Variants in JAKMIP1 observed in about 807,000 individuals in gnomAD.
JAKMIP1 encodes the protein janus kinase and microtubule-interacting protein 1.
JAKMIP1 carries 33 observed loss-of-function variants against 113.0 expected under a neutral mutation model. The ratio of observed to expected loss-of-function variants is 0.29; its 90% CI spans 0.22 to 0.39. The LOEUF (loss-of-function observed/expected upper bound fraction) is 0.39, where lower values mean the gene tolerates loss of function less well. Ranked by LOEUF, JAKMIP1 falls within the 10% of genes least tolerant of loss-of-function variation. JAKMIP1 has a pLI of 1.00. For missense variants in JAKMIP1, 813 were observed against 1,080.5 expected, an observed-to-expected ratio of 0.75 and a Z score of 3.47; for synonymous variants, 480 against 459.9, an observed-to-expected ratio of 1.04 and a Z score of -0.56.
intron 1 of JAKMIP1, among the ~76,000 whole-genome samples, chr4:6,161,841 T>C (rs1342418866): frequency 1.3e-5 from 2 of 152,068 alleles, no homozygotes; most frequent in East Asian, 1.9e-4. Context: ...GTCCCAGAGA[T>C]AAATGGTGCA....
chr4:6,127,519 T>C (rs985296106), intron 1 of JAKMIP1, among the ~76,000 whole-genome samples: 4 of 152,090 alleles, frequency 2.6e-5, no homozygotes, highest in African/African-American at 9.7e-5. Flanking sequence ...CCCTGGCAAA[T>C]GGCTTGGTGG....
rs188434689 is a variant in JAKMIP1 at position 6,155,375 on chromosome 4, C to A, written c.-147-42378G>T. Among the ~76,000 whole-genome samples the A allele has an allele frequency of 7.2e-5, 11 of 152,102 alleles. No individual in the cohort carries two copies. Among genetic ancestry groups the A allele is most frequent in the Non-Finnish European group, 1.2e-4 (8 of 68,026 alleles). ...CTGCTCCAAGCACTTTATATTTAAC[C>A]CTCAAGAGAACCCTAAAACATAGGT... On this transcript the variant is annotated intron_variant, in intron 1 of 20. Coordinates refer to ENST00000409021, the MANE Select transcript of JAKMIP1 (RefSeq NM_001099433.2). The surrounding 1 kb of genome is among the most constrained non-coding windows in gnomAD (Gnocchi z 6.1).
intron 1 of JAKMIP1, among the ~76,000 whole-genome samples, chr4:6,198,068 G>A (rs1028466275): frequency 1.1e-4 from 17 of 152,226 alleles, no homozygotes; most frequent in African/African-American, 4.1e-4. Flanking sequence ...CCACCAAAGT[G>A]GGACCATCTC....
Position 6,038,523 on chromosome 4 carries a change from G to T in JAKMIP1, c.2175+2116C>A, listed in dbSNP as rs149586468. ...TCCATCACTGAGGCAGAGGCTAACC[G>T]GTATCCCTCCATCACCGAGGAAGAG... is the stretch of plus-strand genomic sequence containing the variant. On this transcript the variant is annotated intron_variant, in intron 18 of 20. Transcript: ENST00000409021. Among the ~76,000 whole-genome samples, 516 of 150,812 alleles carry T rather than the reference G, an allele frequency of 3.4e-3. 3 individuals are homozygous for T. Among genetic ancestry groups the T allele is most frequent in the Non-Finnish European group, 5.7e-3 (383 of 67,566 alleles).
chr4:6,159,431 G>A (rs1459268365), intron 1 of JAKMIP1, among the ~76,000 whole-genome samples: 1 of 152,120 alleles, frequency 6.6e-6, no homozygotes, highest in African/African-American at 2.4e-5. Flanking sequence ...AAAAAAATCT[G>A]TGACACATAA....
At chr4:6,144,351 A>T (rs1168020089) in intron 1 of JAKMIP1, among the ~76,000 whole-genome samples, 4 of 152,258 alleles carry the variant, frequency 2.6e-5, no homozygotes, top group Non-Finnish European at 5.9e-5. Context: ...TTCAAAAAGT[A>T]AAAGTGCAAA....
chr4:6,172,670 G>C (rs892027790), intron 1 of JAKMIP1, among the ~76,000 whole-genome samples: 20 of 152,230 alleles, frequency 1.3e-4, no homozygotes, highest in Non-Finnish European at 2.2e-4. Flanking sequence ...TCTGTCCCCA[G>C]GTGCTCAGGG....
intron 19 of JAKMIP1, among the ~76,000 whole-genome samples, chr4:6,030,932 G>C (rs1458291469): frequency 6.6e-6 from 1 of 152,154 alleles, no homozygotes; most frequent in Non-Finnish European, 1.5e-5. Context: ...CAGGTGATGA[G>C]GACGCAGACG....
intron 1 of JAKMIP1, among the ~76,000 whole-genome samples, chr4:6,113,694 C>T (rs1471406666): frequency 1.3e-5 from 2 of 152,214 alleles, no homozygotes; most frequent in Non-Finnish European, 2.9e-5. Context: ...AGCCTAATCA[C>T]CGCCCCAAGC....
At chr4:6,175,242 A>C (rs1188024693) in intron 1 of JAKMIP1, among the ~76,000 whole-genome samples, 1 of 152,084 alleles carries the variant, frequency 6.6e-6, no homozygotes, top group African/African-American at 2.4e-5. Flanking sequence ...AACCTCCCCA[A>C]AGTCACAGAA....
At chr4:6,063,601 C>A (rs1717630007) in intron 9 of JAKMIP1, among the ~76,000 whole-genome samples, 1 of 152,138 alleles carries the variant, frequency 6.6e-6, no homozygotes, top group East Asian at 1.9e-4. Flanking sequence ...GGACGACCTG[C>A]AGAGGTGACA....
At chr4:6,124,026 C>G (rs1717068653) in intron 1 of JAKMIP1, among the ~76,000 whole-genome samples, 1 of 152,196 alleles carries the variant, frequency 6.6e-6, no homozygotes, top group African/African-American at 2.4e-5. Flanking sequence ...AACACGTACT[C>G]TGGGCTTGGA....
In JAKMIP1 at chr4:6,059,384, T is replaced by G. The variant is rs1047454610; in HGVS notation, c.1644+1040A>C. ...CTTTGCAGTGCTCTTCTGGAGCTGC[T>G]TCTGTTAAGCCGCCTGGAACCTCTT... On this transcript the variant is annotated intron_variant, in intron 11 of 20. Coordinates refer to ENST00000409021, the MANE Select transcript of JAKMIP1 (RefSeq NM_001099433.2). The surrounding 1 kb of genome is among the most constrained non-coding windows in gnomAD (Gnocchi z 4.8). Among the ~76,000 whole-genome samples the G allele has an allele frequency of 9.2e-5, 14 of 152,162 alleles. No homozygotes were observed. The highest frequency in any genetic ancestry group is 3.4e-4 in the African/African-American group (14 of 41,448).
intron 1 of JAKMIP1, among the ~76,000 whole-genome samples, chr4:6,134,735 G>C (rs574281071): frequency 6.4e-4 from 98 of 152,318 alleles, no homozygotes; most frequent in Non-Finnish European, 8.8e-4. Flanking sequence ...CCTGTGAAAT[G>C]GACTCAATCT....
At chr4:6,107,668 G>T (rs1714188231) in intron 2 of JAKMIP1, among the ~76,000 whole-genome samples, 1 of 152,140 alleles carries the variant, frequency 6.6e-6, no homozygotes, top group Admixed American at 6.5e-5. Flanking sequence ...CAGCCTGCTG[G>T]TCTGCCCTAC....
At chr4:6,124,742 A>G (rs1717172051) in intron 1 of JAKMIP1, among the ~76,000 whole-genome samples, 1 of 152,198 alleles carries the variant, frequency 6.6e-6, no homozygotes, top group South Asian at 2.1e-4. Context: ...AGGCCTCTGC[A>G]TGTGCCCTTC....
rs1722262905 is a variant in JAKMIP1 at position 6,156,588 on chromosome 4, T to C, written c.-147-43591A>G. 3.9e-5 allele frequency among the ~76,000 whole-genome samples: 6 copies of C among 152,226 alleles called. No individual in the cohort carries two copies. The South Asian group carries it at 1.2e-3, about 32-fold the overall frequency. The stretch of plus-strand genomic sequence containing the variant: ...CCAGTCATCCTGGTGACCCAGGGCT[T>C]AGCTACTGAGATGCAACTCAAAGAT... On this transcript the variant is annotated intron_variant, in intron 1 of 20. Coordinates refer to ENST00000409021, the MANE Select transcript of JAKMIP1 (RefSeq NM_001099433.2). This position sits in a 1 kb window ranked among gnomAD's most constrained non-coding sequence, Gnocchi z 5.0.
At position 6,199,743 on chromosome 4, in the gene JAKMIP1, G is replaced by A. The variant is rs1380295486; in HGVS notation, c.-148+510C>T. On this transcript the variant is annotated intron_variant, in intron 1 of 20. Transcript: ENST00000409021. The surrounding 1 kb of genome is among the most constrained non-coding windows in gnomAD (Gnocchi z 5.6). ...CGCCTTCGGGCCCCGCGCCGCCGGG[G>A]CGCGGCCCCCAGCTCCATCTTCTTT... Among the ~76,000 whole-genome samples the A allele has an allele frequency of 6.6e-6, 1 of 150,814 alleles. No homozygotes were observed. The highest frequency in any genetic ancestry group is 1.5e-5 in the Non-Finnish European group (1 of 67,534).
In JAKMIP1 at chr4:6,136,712, C is replaced by A. The variant is rs1311743858; in HGVS notation, c.-147-23715G>T. 6.6e-6 allele frequency among the ~76,000 whole-genome samples: 1 copy of A among 152,112 alleles called. No homozygotes were observed. Among genetic ancestry groups the A allele is most frequent in the Non-Finnish European group, 1.5e-5 (1 of 68,024 alleles). On this transcript the variant is annotated intron_variant, in intron 1 of 20. Transcript: ENST00000409021. The surrounding 1 kb of genome is among the most constrained non-coding windows in gnomAD (Gnocchi z 5.9). Reference sequence around the variant, plus strand: ...ATCTGGAATTCCAAGAAATGGCCTGCCCAGGAAAAATAAATAAATAACAAG... The same window carrying A: ...ATCTGGAATTCCAAGAAATGGCCTGACCAGGAAAAATAAATAAATAACAAG...
Sources: allele counts gnomAD v4.1 joint callset (sites outside exome capture counted in the v4.1 genomes callset), GRCh38; gene constraint gnomAD v4.1.1; non-coding constraint Gnocchi (gnomAD v3.1); transcripts MANE v1.5; gene names NCBI Gene and HGNC (gene_info 2026-07-23, HGNC 2026-07-21).